Variants in KATNAL1 observed in about 807,000 individuals in gnomAD.
KATNAL1 encodes the protein katanin catalytic subunit A1 like 1, also known as katanin p60 ATPase-containing subunit A-like 1.
Under a neutral mutation model 55.2 loss-of-function variants are expected in KATNAL1, and 32 were observed. The ratio of observed to expected loss-of-function variants is 0.58; its 90% CI spans 0.44 to 0.78. The LOEUF (loss-of-function observed/expected upper bound fraction) is 0.78, where lower values mean the gene tolerates loss of function less well. KATNAL1 is among the 30% of genes least tolerant of loss of function. The pLI is 0.00. For missense variants in KATNAL1, 466 were observed against 600.9 expected (o/e 0.78, Z 2.35); for synonymous variants, 193 against 193.6 (o/e 1.00, Z 0.02).
At position 30,255,498 on chromosome 13, in the gene KATNAL1, CT is replaced by C; in HGVS notation, c.440del (p.Lys147SerfsTer64). On this transcript the variant is annotated frameshift_variant, in exon 4 of 11. Transcript: ENST00000380615. LOFTEE classifies it high-confidence loss of function. The part of the protein sequence containing the change: ...GRAHPISKSE[K>X]PSTSRDKDYR... Reference sequence around the variant, plus strand: ...AGTCCTTGTCCCTACTTGTAGAAGGCTTTTCACTCTTTGATATAGGATGTGC... The same window carrying C: ...AGTCCTTGTCCCTACTTGTAGAAGGCTTTCACTCTTTGATATAGGATGTGC... 6.3e-7 allele frequency: 1 copy of C among 1,597,570 alleles called. No homozygotes were observed. The highest frequency in any genetic ancestry group is 1.1e-5 in the South Asian group (1 of 89,294).
At chr13:30,296,858 A>G (rs1440138283) in intron 1 of KATNAL1, 2 of 352,524 alleles carry the variant, frequency 5.7e-6, no homozygotes, top group Non-Finnish European at 1.1e-5. Context: ...TCCAAACACC[A>G]CAGTCTGGGA....
intron 1 of KATNAL1, chr13:30,307,006 A>G (rs2137583686): frequency 1.0e-5 from 1 of 95,876 alleles, no homozygotes; most frequent in East Asian, 2.7e-4. Context: ...CTCAAGACAA[A>G]GAGAGATTTT....
Position 30,202,704 on chromosome 13 carries a change from A to C in KATNAL1, c.*5836T>G, listed in dbSNP as rs1489181168. 6.6e-6 allele frequency: 1 copy of C among 152,256 alleles called. No individual in the cohort carries two copies. The highest frequency in any genetic ancestry group is 1.5e-5 in the Non-Finnish European group (1 of 68,046). The allele number at this position is 152,256 out of a possible 1,614,324, so 9.4% of individuals were successfully genotyped here. A position where few individuals can be genotyped will look rare whatever the true frequency, so the allele number is the denominator to read the frequency against. Reference sequence around the variant, plus strand: ...ACACAGCTAAGCTAATGAGATTAGCAAAGTAGCAGCACAAAAGGTAAGGAA... The same window carrying C: ...ACACAGCTAAGCTAATGAGATTAGCCAAGTAGCAGCACAAAAGGTAAGGAA... On this transcript the variant is annotated 3_prime_UTR_variant, in exon 11 of 11. Coordinates refer to ENST00000380615, the MANE Select transcript of KATNAL1 (RefSeq NM_032116.5).
At chr13:30,241,873 G>T (rs1877314766) in intron 4 of KATNAL1, among the ~76,000 whole-genome samples, 1 of 152,176 alleles carries the variant, frequency 6.6e-6, no homozygotes, top group Non-Finnish European at 1.5e-5. Context: ...AAGCCACTAG[G>T]TAAGTGACCA....
intron 2 of KATNAL1, 125 bp from the exon 3 acceptor site, chr13:30,280,348 A>G: frequency 1.6e-6 from 1 of 635,150 alleles, no homozygotes; most frequent in South Asian, 3.8e-5. Flanking sequence ...TCATTAAAAC[A>G]TTCATAAATA....
chr13:30,210,606 A>G (rs1002844384), intron 9 of KATNAL1, 164 bp from the exon 10 acceptor site: 1 of 355,872 alleles, frequency 2.8e-6, no homozygotes, highest in East Asian at 4.6e-5. Flanking sequence ...GACTCATGGA[A>G]TCATTTAAAT....
intron 3 of KATNAL1, 23 bp downstream of exon 3, chr13:30,280,040 A>G: frequency 6.3e-7 from 1 of 1,589,676 alleles, no homozygotes; most frequent in Non-Finnish European, 8.5e-7. Context: ...AAGCACCTAA[A>G]GAGAATATAA....
chr13:30,244,300 T>C (rs918418392), intron 4 of KATNAL1, among the ~76,000 whole-genome samples: 18 of 152,328 alleles, frequency 1.2e-4, no homozygotes, highest in Middle Eastern at 3.4e-3. Context: ...ATGGTATATG[T>C]GCCACATTTT....
chr13:30,227,460 C>T lies in KATNAL1; in HGVS notation c.1099G>A (p.Ala367Thr), dbSNP rs991933445. The change falls in exon 9 of 11, where the codon GCT (alanine) becomes ACT (threonine). Residue 367 changes from alanine to threonine, a missense_variant. By Grantham distance (58) the Ala-to-Thr change is moderately conservative. Around this residue, in one of 3 missense-constraint regions of KATNAL1, gnomAD observed 213 missense variants for 308.6 expected, o/e 0.69. Transcript: ENST00000380615. ...ATNFPWDIDEALRRRLEKRIY... is the reference protein window; with the variant it reads ...ATNFPWDIDETLRRRLEKRIY... ...CTTTTTTCTAACCTTCTTCGCAAAG[C>T]TTCATCAATGTCCCACGGGAAATTA... The T allele has an allele frequency of 6.2e-7, 1 of 1,613,844 alleles. No individual in the cohort carries two copies. The highest frequency in any genetic ancestry group is 1.3e-5 in the African/African-American group (1 of 74,918).
chr13:30,219,671 T>A (rs974135808), intron 9 of KATNAL1, among the ~76,000 whole-genome samples: 3 of 152,310 alleles, frequency 2.0e-5, no homozygotes, highest in African/African-American at 7.2e-5. Flanking sequence ...GAGTTCTAAT[T>A]ATAATTATTG....
chr13:30,294,253 T>C (rs976925175), intron 1 of KATNAL1, among the ~76,000 whole-genome samples: 2 of 152,184 alleles, frequency 1.3e-5, no homozygotes, highest in Admixed American at 6.5e-5. Context: ...AAGAGGTAGA[T>C]CTCTCGTGCC....
At chr13:30,290,133 A>G (rs1467461112) in intron 1 of KATNAL1, among the ~76,000 whole-genome samples, 1 of 152,202 alleles carries the variant, frequency 6.6e-6, no homozygotes, top group East Asian at 1.9e-4. Context: ...TTCAGCTTCT[A>G]TCTTAAGAAT....
intron 3 of KATNAL1, among the ~76,000 whole-genome samples, chr13:30,273,827 A>G (rs1289737601): frequency 6.6e-6 from 1 of 152,208 alleles, no homozygotes; most frequent in African/African-American, 2.4e-5. Flanking sequence ...AATCTCTCTC[A>G]AAGTCTGGTT....
intron 1 of KATNAL1, among the ~76,000 whole-genome samples, chr13:30,287,497 C>T (rs186102905): frequency 4.0e-4 from 61 of 152,312 alleles, no homozygotes; most frequent in Middle Eastern, 6.8e-3. Flanking sequence ...ACTTAAACCT[C>T]TTTTCTTTAT....
At chr13:30,240,854 TG>T in intron 5 of KATNAL1, 104 bp downstream of exon 5, 1 of 997,240 alleles carries the variant, frequency 1.0e-6, no homozygotes, top group Non-Finnish European at 1.5e-6. Flanking sequence ...ATTATAGATG[TG>T]GTCATAATCA....
At chr13:30,302,682 T>C (rs1020450649) in intron 1 of KATNAL1, among the ~76,000 whole-genome samples, 1 of 152,230 alleles carries the variant, frequency 6.6e-6, no homozygotes, top group Non-Finnish European at 1.5e-5. Flanking sequence ...TACATTGTTT[T>C]TTGGAGATGA....
At chr13:30,303,256 A>G (rs1451540909) in intron 1 of KATNAL1, among the ~76,000 whole-genome samples, 1 of 152,222 alleles carries the variant, frequency 6.6e-6, no homozygotes, top group Non-Finnish European at 1.5e-5. Context: ...CACCTTGAAA[A>G]ACTACTCCAT....
intron 3 of KATNAL1, among the ~76,000 whole-genome samples, chr13:30,273,598 C>T (rs1031883392): frequency 1.3e-5 from 2 of 152,152 alleles, no homozygotes; most frequent in African/African-American, 4.8e-5. Flanking sequence ...CTTAATCAGC[C>T]CTGCTACTTA....
chr13:30,265,518 T>C (rs910250262), intron 3 of KATNAL1, among the ~76,000 whole-genome samples: 1 of 152,082 alleles, frequency 6.6e-6, no homozygotes, highest in Admixed American at 6.6e-5. Context: ...ATGAGTTGTT[T>C]TGTATCCTCA....
Sources: gnomAD v4.1 joint callset for allele counts (sites outside exome capture counted in the v4.1 genomes callset) on GRCh38, gnomAD v4.1.1 for gene constraint, gnomAD v4.1.1 regional missense constraint, MANE v1.5 for transcripts, NCBI Gene and HGNC (gene_info 2026-07-23, HGNC 2026-07-21) for gene names.